Variants in PDLIM5 observed in about 807,000 individuals in gnomAD.
PDLIM5 encodes PDZ and LIM domain protein 5.
In PDLIM5, 34 loss-of-function variants were observed where a neutral mutation model predicts 64.2. The observed-to-expected ratio is 0.53, with a 90% CI of 0.40 to 0.71. The LOEUF (loss-of-function observed/expected upper bound fraction) is 0.71, where lower values mean the gene tolerates loss of function less well. Ranked by LOEUF, PDLIM5 falls within the 30% of genes least tolerant of loss-of-function variation. The pLI is 0.00. For missense variants in PDLIM5, 683 were observed against 733.6 expected (o/e 0.93, Z 0.80); for synonymous variants, 253 against 269.1 (o/e 0.94, Z 0.59).
At chr4:94,593,458 A>T (rs12500426) in intron 7 of PDLIM5, among the ~76,000 whole-genome samples, 1 of 151,776 alleles carries the variant, frequency 6.6e-6, no homozygotes, top group Non-Finnish European at 1.5e-5. Flanking sequence ...GGCCTTTCCT[A>T]ACGGTTGTGT....
intron 3 of PDLIM5, among the ~76,000 whole-genome samples, chr4:94,554,774 G>GTGTGTGTACAGA (rs1371326579): frequency 6.6e-6 from 1 of 151,726 alleles, no homozygotes; most frequent in Non-Finnish European, 1.5e-5. Flanking sequence ...TATCTGCAAT[G>GTGTGTGTACAGA]TGTGTACAGA....
chr4:94,489,098 A>G (rs1726614476), intron 2 of PDLIM5: 1 of 152,222 alleles, frequency 6.6e-6, no homozygotes, highest in Non-Finnish European at 1.5e-5. Context: ...GATGAACTAT[A>G]AGTAGCCCTG....
intron 2 of PDLIM5, among the ~76,000 whole-genome samples, chr4:94,499,939 C>T (rs528393491): frequency 4.6e-5 from 7 of 152,232 alleles, no homozygotes; most frequent in Admixed American, 2.0e-4. Context: ...GTAACCCATC[C>T]TCCCCTCCCC....
chr4:94,666,185 T>C lies in PDLIM5; in HGVS notation c.*2118T>C. The C allele has an allele frequency of 1.7e-6, 1 of 577,094 alleles. No individual in the cohort carries two copies. The highest frequency in any genetic ancestry group is 2.9e-6 in the Non-Finnish European group (1 of 342,818). 35.7% of individuals were successfully genotyped at this position (577,094 alleles called of 1,614,324 possible). On this transcript the variant is annotated 3_prime_UTR_variant, in exon 13 of 13. Transcript: ENST00000317968. The stretch of plus-strand genomic sequence containing the variant: ...GTTTGTTATAGAGGAGGTTTTAGGC[T>C]ACAATATTTGTTTAACCTCCCTAAG...
intron 7 of PDLIM5, among the ~76,000 whole-genome samples, chr4:94,615,324 GT>G (rs1165798926): frequency 1.3e-5 from 2 of 152,194 alleles, no homozygotes; most frequent in African/African-American, 4.8e-5. Context: ...ATGCCATGCA[GT>G]TAACGAATGT....
At chr4:94,603,588 C>A (rs1737669007) in intron 7 of PDLIM5, among the ~76,000 whole-genome samples, 1 of 152,160 alleles carries the variant, frequency 6.6e-6, no homozygotes, top group African/African-American at 2.4e-5. Context: ...CAGGGCACTG[C>A]TGGACAGCAG....
intron 12 of PDLIM5, 95 bp downstream of exon 12, chr4:94,662,632 C>A (rs527905898): frequency 3.7e-6 from 2 of 544,052 alleles, no homozygotes; most frequent in Non-Finnish European, 6.8e-6. Flanking sequence ...GTCTTTCAGT[C>A]CTTCAAACCT....
At chr4:94,592,980 C>A (rs184954309) in intron 7 of PDLIM5, among the ~76,000 whole-genome samples, 34 of 152,224 alleles carry the variant, frequency 2.2e-4, no homozygotes, top group Admixed American at 7.9e-4. Context: ...CTGCCCCACC[C>A]CACAGTAGGA....
chr4:94,605,958 A>T (rs1737882184), intron 7 of PDLIM5, among the ~76,000 whole-genome samples: 1 of 151,428 alleles, frequency 6.6e-6, no homozygotes, highest in African/African-American at 2.4e-5. Context: ...TAAATTTTTA[A>T]TATTAAAATA....
At chr4:94,620,744 C>T (rs1354012265) in intron 8 of PDLIM5, among the ~76,000 whole-genome samples, 1 of 151,756 alleles carries the variant, frequency 6.6e-6, no homozygotes, top group Non-Finnish European at 1.5e-5. Flanking sequence ...CATGTGTTAA[C>T]ATGTCACTAA....
intron 2 of PDLIM5, among the ~76,000 whole-genome samples, chr4:94,505,535 T>C (rs547901552): frequency 2.0e-5 from 3 of 152,188 alleles, no homozygotes; most frequent in Non-Finnish European, 4.4e-5. Flanking sequence ...GTGCTGGGAT[T>C]ACAGGCATGA....
At chr4:94,461,965 A>G (rs1239959842) in intron 2 of PDLIM5, among the ~76,000 whole-genome samples, 2 of 152,184 alleles carry the variant, frequency 1.3e-5, no homozygotes, top group East Asian at 3.9e-4. Context: ...CCTGGGTTCA[A>G]GCAGTTCTCT....
At chr4:94,460,852 A>G (rs1363948197) in intron 2 of PDLIM5, among the ~76,000 whole-genome samples, 2 of 152,156 alleles carry the variant, frequency 1.3e-5, no homozygotes, top group East Asian at 3.8e-4. Flanking sequence ...TGTATGGGAA[A>G]TGCTTTATAA....
At chr4:94,623,637 T>C (rs1010628266) in intron 8 of PDLIM5, among the ~76,000 whole-genome samples, 9 of 152,188 alleles carry the variant, frequency 5.9e-5, no homozygotes, top group African/African-American at 2.2e-4. Context: ...ATCTAAACAA[T>C]GCCTGGCACA....
At position 94,664,809 on chromosome 4, in the gene PDLIM5, G is replaced by C. The variant is rs1280553376; in HGVS notation, c.*742G>C. On this transcript the variant is annotated 3_prime_UTR_variant, in exon 13 of 13. Coordinates refer to ENST00000317968, the MANE Select transcript of PDLIM5 (RefSeq NM_006457.5). ...CACTTGAACCCGGGAGGGAGAGGTT[G>C]CAGTGAGCCAAGATCGTACCACTGC... 3.3e-6 allele frequency: 1 copy of C among 306,314 alleles called. No individual in the cohort carries two copies. The allele number at this position is 306,314 out of a possible 1,614,324, so 19.0% of individuals were successfully genotyped here.
intron 8 of PDLIM5, among the ~76,000 whole-genome samples, chr4:94,630,139 A>G (rs1245229201): frequency 2.0e-5 from 3 of 152,164 alleles, no homozygotes; most frequent in Non-Finnish European, 2.9e-5. Flanking sequence ...CACTGAGAAC[A>G]TATTTCCTGA....
chr4:94,556,170 C>G (rs956785425), intron 3 of PDLIM5, among the ~76,000 whole-genome samples: 5 of 151,606 alleles, frequency 3.3e-5, no homozygotes, highest in East Asian at 1.9e-4. Context: ...GTTTTTTGTC[C>G]TTGCGATAGT....
chr4:94,629,219 T>C (rs2110428517), intron 8 of PDLIM5, among the ~76,000 whole-genome samples: 1 of 152,062 alleles, frequency 6.6e-6, no homozygotes, highest in Middle Eastern at 3.4e-3. Flanking sequence ...CGTGGTGGCG[T>C]GTGCCTGTAG....
rs139902919 is a variant in PDLIM5 at position 94,618,025 on chromosome 4, G to A, written c.942G>A (p.Pro314=). 3.0e-5 allele frequency: 47 copies of A among 1,577,442 alleles called. No individual in the cohort carries two copies. Among genetic ancestry groups the A allele is most frequent in the East Asian group, 1.9e-4 (8 of 43,122 alleles). Residue 314 remains proline (P), a synonymous_variant, in exon 8 of 13, where the codon CCG becomes CCA. Coordinates refer to ENST00000317968, the MANE Select transcript of PDLIM5 (RefSeq NM_006457.5). ...ACAGTAACTCTCAGGAGCCTTCTCC[G>A]CAGTTGGCTTCCTCGGTAGCTTCCA... ...KKANNSQEPS[P]QLASSVASTR... is the part of the protein sequence containing the mutation.
Sources: allele counts gnomAD v4.1 joint callset (sites outside exome capture counted in the v4.1 genomes callset), GRCh38; gene constraint gnomAD v4.1.1; transcripts MANE v1.5; gene names NCBI Gene and HGNC (gene_info 2026-07-23, HGNC 2026-07-21).